Variants in AFAP1 observed in about 807,000 individuals in gnomAD.
The protein encoded by AFAP1 is actin filament-associated protein 1.
Under a neutral mutation model 93.9 loss-of-function variants are expected in AFAP1, and 75 were observed. That is an observed-to-expected ratio of 0.80 (90% CI 0.66 to 0.97). AFAP1 has a LOEUF of 0.97. Among genes scored for constraint, AFAP1 ranks in the 50% least tolerant of loss-of-function variants. The probability of loss-of-function intolerance (pLI) is 0.00; values close to 1 mark genes in which losing one functional copy is unlikely to be tolerated. For synonymous variants in AFAP1, 517 were observed against 430.7 expected, an observed-to-expected ratio of 1.20 and a Z score of -2.48; for missense variants, 1,201 against 1,050.8, an observed-to-expected ratio of 1.14 and a Z score of -1.98.
intron 3 of AFAP1, among the ~76,000 whole-genome samples, chr4:7,860,889 C>A (rs1043134712): frequency 6.6e-6 from 1 of 152,234 alleles, no homozygotes; most frequent in Admixed American, 6.5e-5. Context: ...GCAGACCCAG[C>A]ACCTTCATGC....
intron 14 of AFAP1, chr4:7,778,516 T>G: frequency 1.8e-6 from 1 of 559,506 alleles, no homozygotes; most frequent in Non-Finnish European, 3.2e-6. Flanking sequence ...CCTCCTATTT[T>G]AAAATGCTGA....
chr4:7,847,621 G>C (rs1264528590), intron 4 of AFAP1, among the ~76,000 whole-genome samples: 2 of 152,208 alleles, frequency 1.3e-5, no homozygotes, highest in Non-Finnish European at 1.5e-5. Context: ...TCACCGTCTG[G>C]AGGCCTGGGG....
At position 7,911,521 on chromosome 4, in the gene AFAP1, G is replaced by A. The variant is rs571755230; in HGVS notation, c.-3+28135C>T. Among the ~76,000 whole-genome samples, 3 of 152,292 alleles carry A rather than the reference G, an allele frequency of 2.0e-5. No individual in the cohort carries two copies. In the South Asian group the frequency reaches 6.2e-4, roughly 32 times the overall value. On this transcript the variant is annotated intron_variant, in intron 1 of 17. Transcript: ENST00000420658. The stretch of plus-strand genomic sequence containing the variant: ...TTCTCACACAAATGACATGCTTTAC[G>A]GATTGCACAGCATTTTCACCATGCC...
In AFAP1 at chr4:7,864,330, C is replaced by A. The variant is rs182475631; in HGVS notation, c.225+4292G>T. On this transcript the variant is annotated intron_variant, in intron 3 of 17. Coordinates refer to ENST00000420658, the MANE Select transcript of AFAP1 (RefSeq NM_001134647.2). Reference sequence around the variant, plus strand: ...AATTTACAGCACACCCTCTGCCTGGCACAGCTGCCTACCAGTCCCGTCCTG... The same window carrying A: ...AATTTACAGCACACCCTCTGCCTGGAACAGCTGCCTACCAGTCCCGTCCTG... Among the ~76,000 whole-genome samples, 8 of 152,330 alleles carry A rather than the reference C, an allele frequency of 5.3e-5. No individual in the cohort carries two copies. The East Asian group carries it at 1.5e-3, about 29-fold the overall frequency.
chr4:7,882,679 C>T lies in AFAP1; in HGVS notation c.-2-10599G>A, dbSNP rs372774641. ...ATCAAGACCATCCTGGCCAACATGG[C>T]GAAACCCTGTCTCTACTAAAAATAC... On this transcript the variant is annotated intron_variant, in intron 1 of 17. Coordinates refer to ENST00000420658, the MANE Select transcript of AFAP1 (RefSeq NM_001134647.2). Among the ~76,000 whole-genome samples, 602 of 152,078 alleles carry T rather than the reference C, an allele frequency of 4.0e-3. 6 individuals are homozygous for T. The highest frequency in any genetic ancestry group is 0.013 in the African/African-American group (527 of 41,464).
chr4:7,915,216 G>T (rs986488423), intron 1 of AFAP1, among the ~76,000 whole-genome samples: 1 of 109,980 alleles, frequency 9.1e-6, no homozygotes, highest in Non-Finnish European at 1.7e-5. Context: ...CCTACGGTGC[G>T]TAAGAGTTCC....
At position 7,918,964 on chromosome 4, in the gene AFAP1, GTTGGAAGAGACACTCGGC is replaced by G. The variant is rs1560236332; in HGVS notation, c.-3+20674_-3+20691del. On this transcript the variant is annotated intron_variant, in intron 1 of 17. Coordinates refer to ENST00000420658, the MANE Select transcript of AFAP1 (RefSeq NM_001134647.2). ...GCCCAGGTCACCAGGAAACAGGGCTGTTGGAAGAGACACTCGGCCCAGGTCACCAGGAAACAGGGCTGC... is the reference window on the plus strand; with the variant it reads ...GCCCAGGTCACCAGGAAACAGGGCTGCCAGGTCACCAGGAAACAGGGCTGC... Among the ~76,000 whole-genome samples, 41 of 142,262 alleles carry G rather than the reference GTTGGAAGAGACACTCGGC, an allele frequency of 2.9e-4. 3 individuals are homozygous for G. Among genetic ancestry groups the G allele is most frequent in the African/African-American group, 7.6e-4 (29 of 38,096 alleles). 93.3% of individuals were successfully genotyped at this position (142,262 alleles called of 152,430 possible).
intron 11 of AFAP1, among the ~76,000 whole-genome samples, chr4:7,787,700 C>G (rs1717434049): frequency 6.6e-6 from 1 of 152,162 alleles, no homozygotes; most frequent in Non-Finnish European, 1.5e-5. Flanking sequence ...GGCTCACTCC[C>G]CTTCAAGGAG....
intron 6 of AFAP1, among the ~76,000 whole-genome samples, chr4:7,836,498 G>A (rs1458702264): frequency 2.6e-5 from 4 of 152,222 alleles, no homozygotes; most frequent in Admixed American, 1.3e-4. Context: ...CCAGGCTGGA[G>A]TACAGTGGCG....
At chr4:7,828,126 G>GT (rs1320564201) in intron 6 of AFAP1, among the ~76,000 whole-genome samples, 1 of 152,118 alleles carries the variant, frequency 6.6e-6, no homozygotes, top group Non-Finnish European at 1.5e-5. Context: ...TAAACATATT[G>GT]TGGTTCTTCC....
At chr4:7,831,655 G>C (rs1054551312) in intron 6 of AFAP1, among the ~76,000 whole-genome samples, 1 of 152,182 alleles carries the variant, frequency 6.6e-6, no homozygotes, top group Non-Finnish European at 1.5e-5. Flanking sequence ...GCAAGAAGGG[G>C]GCTGCTCTTC....
chr4:7,884,257 C>A (rs1473699074), intron 1 of AFAP1, among the ~76,000 whole-genome samples: 1 of 152,148 alleles, frequency 6.6e-6, no homozygotes, highest in African/African-American at 2.4e-5. Context: ...GAACTATGAG[C>A]CAATTAAATC....
intron 1 of AFAP1, among the ~76,000 whole-genome samples, chr4:7,873,146 G>T (rs1717200299): frequency 6.8e-6 from 1 of 147,600 alleles, no homozygotes; most frequent in Non-Finnish European, 1.5e-5. Flanking sequence ...AGGAGGCTGG[G>T]GCACAAGAAT....
At chr4:7,912,270 T>C (rs936514593) in intron 1 of AFAP1, among the ~76,000 whole-genome samples, 1 of 152,230 alleles carries the variant, frequency 6.6e-6, no homozygotes, top group African/African-American at 2.4e-5. Flanking sequence ...CAGATACATA[T>C]GGCTTTTGTG....
chr4:7,886,408 C>T (rs1298304031), intron 1 of AFAP1, among the ~76,000 whole-genome samples: 1 of 152,312 alleles, frequency 6.6e-6, no homozygotes, highest in East Asian at 1.9e-4. Context: ...ATGACAATCG[C>T]TGTGCAGTTT....
At chr4:7,895,362 G>A (rs796890001) in intron 1 of AFAP1, among the ~76,000 whole-genome samples, 3 of 151,912 alleles carry the variant, frequency 2.0e-5, no homozygotes, top group Non-Finnish European at 4.4e-5. Context: ...AAATTACTAC[G>A]GTCATTATCA....
At chr4:7,831,253 C>T (rs1003310458) in intron 6 of AFAP1, among the ~76,000 whole-genome samples, 2 of 152,066 alleles carry the variant, frequency 1.3e-5, no homozygotes, top group African/African-American at 4.8e-5. Context: ...ATCAAGACTT[C>T]TTAGATTCCT....
intron 9 of AFAP1, among the ~76,000 whole-genome samples, chr4:7,804,890 A>T (rs911581957): frequency 2.0e-5 from 3 of 152,192 alleles, no homozygotes; most frequent in Non-Finnish European, 4.4e-5. Context: ...GCTTTCGGAG[A>T]AACCAAATGT....
At position 7,939,314 on chromosome 4, in the gene AFAP1, A is replaced by C; in HGVS notation, c.-3+342T>G. 1 of 315,284 alleles carries C rather than the reference A, an allele frequency of 3.2e-6. No homozygotes were observed. Among genetic ancestry groups the C allele is most frequent in the South Asian group, 2.4e-5 (1 of 42,494 alleles). The allele number at this position is 315,284 out of a possible 1,614,324, so 19.5% of individuals were successfully genotyped here. ...CTCTTGGTGACCCGGACCCCGCCCC[A>C]CGAGTGGGTCTTCGCAGGGCCCCCT... On this transcript the variant is annotated intron_variant, in intron 1 of 17. Transcript: ENST00000420658. The surrounding 1 kb of genome is among the most constrained non-coding windows in gnomAD (Gnocchi z 5.6).
Sources: allele counts gnomAD v4.1 joint callset (sites outside exome capture counted in the v4.1 genomes callset), GRCh38; gene constraint gnomAD v4.1.1; non-coding constraint Gnocchi (gnomAD v3.1); transcripts MANE v1.5; gene names NCBI Gene and HGNC (gene_info 2026-07-23, HGNC 2026-07-21).